Variants in C19orf38 observed in about 807,000 individuals in gnomAD.
C19orf38 encodes protein HIDE1.
C19orf38 carries 14 observed loss-of-function variants against 26.6 expected under a neutral mutation model. The observed-to-expected ratio is 0.53, with a 90% CI of 0.35 to 0.82. C19orf38 has a LOEUF of 0.82. C19orf38 is among the 40% of genes least tolerant of loss of function. C19orf38 has a pLI of 0.01. For missense variants in C19orf38, 261 were observed against 299.5 expected, an observed-to-expected ratio of 0.87 and a Z score of 0.95; for synonymous variants, 132 against 128.5, an observed-to-expected ratio of 1.03 and a Z score of -0.18.
chr19:10,853,897 A>AT (rs1568335216), intron 2 of C19orf38, among the ~76,000 whole-genome samples: 1 of 145,194 alleles, frequency 6.9e-6, no homozygotes, highest in Non-Finnish European at 1.5e-5. Context: ...CGTCCGGCTA[A>AT]TGTTTTTTTT....
intron 5 of C19orf38, 123 bp downstream of exon 5, chr19:10,860,081 C>A: frequency 2.1e-6 from 2 of 932,430 alleles, no homozygotes; most frequent in Middle Eastern, 2.1e-4. Flanking sequence ...GGTCAAAACA[C>A]ACCCTCGCCA....
At chr19:10,866,128 C>T (rs186845808) in intron 6 of C19orf38, among the ~76,000 whole-genome samples, 5 of 151,692 alleles carry the variant, frequency 3.3e-5, no homozygotes, top group South Asian at 2.1e-4. Flanking sequence ...AACCTCCCCC[C>T]CTGGGTTCAA....
chr19:10,838,472 T>C (rs1293907432), intron 1 of C19orf38, among the ~76,000 whole-genome samples: 1 of 152,148 alleles, frequency 6.6e-6, no homozygotes, highest in East Asian at 1.9e-4. Context: ...TACATTCCAG[T>C]GTTGTGCAGT....
intron 6 of C19orf38, among the ~76,000 whole-genome samples, chr19:10,868,758 G>A (rs934613542): frequency 6.6e-6 from 1 of 152,104 alleles, no homozygotes; most frequent in African/African-American, 2.4e-5. Flanking sequence ...CACCCACCTC[G>A]GTCTCCCAAA....
rs1460454371 is a variant in C19orf38, at chr19:10,850,175, G to C, written c.32-84G>C. Reference sequence around the variant, plus strand: ...CACAGAAAACACAAGGCTGAGGGAGGGTGGTCTACTTGCCCGAGGCCACAT... The same window carrying C: ...CACAGAAAACACAAGGCTGAGGGAGCGTGGTCTACTTGCCCGAGGCCACAT... On this transcript the variant is annotated intron_variant, in intron 1 of 6. Coordinates refer to ENST00000397820, the MANE Select transcript of C19orf38 (RefSeq NM_001136482.3). The C allele has an allele frequency of 3.9e-6, 5 of 1,295,316 alleles. No homozygotes were observed. In the East Asian group the frequency reaches 1.3e-4, roughly 34 times the overall value. The allele number at this position is 1,295,316 out of a possible 1,614,324, so 80.2% of individuals were successfully genotyped here.
At chr19:10,836,921 G>T (rs946436843) in intron 1 of C19orf38, among the ~76,000 whole-genome samples, 1 of 152,178 alleles carries the variant, frequency 6.6e-6, no homozygotes, top group Non-Finnish European at 1.5e-5. Context: ...AGACTCAAGG[G>T]CCAGCAGGTA....
Position 10,850,445 on chromosome 19 carries a change from A to G in C19orf38, c.218A>G (p.Asn73Ser). 1 of 1,551,398 alleles carries G rather than the reference A, an allele frequency of 6.4e-7. No individual in the cohort carries two copies. The highest frequency in any genetic ancestry group is 8.7e-7 in the Non-Finnish European group (1 of 1,146,892). Residue 73 changes from asparagine to serine, a missense_variant, in exon 2 of 7, where the codon AAC becomes AGC. Asn to Ser is a conservative substitution (Grantham distance 46). Transcript: ENST00000397820. Reference protein sequence around the residue: ...APTDQRGVTFNLSGGSSKAPG... With the variant: ...APTDQRGVTFSLSGGSSKAPG... ...ACGGACCAGCGCGGGGTGACATTTA[A>G]CCTGAGCGGCGGCAGCAGCAAGGCT... is the stretch of plus-strand genomic sequence containing the variant.
intron 1 of C19orf38, 72 bp downstream of exon 1, chr19:10,848,611 G>A: frequency 1.4e-6 from 2 of 1,462,076 alleles, no homozygotes; most frequent in Non-Finnish European, 1.9e-6. Context: ...GCCGCTCCAG[G>A]GGCAGAAACC....
chr19:10,846,061 A>G (rs970156593), upstream of C19orf38, among the ~76,000 whole-genome samples: 1 of 150,264 alleles, frequency 6.7e-6, no homozygotes, highest in Non-Finnish European at 1.5e-5. Context: ...GGACACCTGT[A>G]GTCCCAGCTA....
intron 6 of C19orf38, among the ~76,000 whole-genome samples, chr19:10,866,554 G>A (rs1473757591): frequency 6.6e-6 from 1 of 151,402 alleles, no homozygotes; most frequent in East Asian, 1.9e-4. Context: ...GGAGTGCAGT[G>A]GTACGATCTT....
chr19:10,858,295 C>T (rs762137592), intron 3 of C19orf38, 21 bp from the exon 4 acceptor site: 1 of 1,479,496 alleles, frequency 6.8e-7, no homozygotes, highest in South Asian at 1.2e-5. Context: ...CTAACACATG[C>T]TCATTTCTTT....
chr19:10,861,471 A>G (rs997706430), intron 5 of C19orf38, among the ~76,000 whole-genome samples: 1 of 152,236 alleles, frequency 6.6e-6, no homozygotes, highest in Non-Finnish European at 1.5e-5. Flanking sequence ...TTTCGTAACC[A>G]AGACAGATGT....
rs944652364 is a variant in C19orf38, at chr19:10,869,436, G to A, written c.*69G>A. ...CCTGAGGTCCCTCCAGCTACTTCTG[G>A]GGGGGCTCTGTCAGCCACTTTCTCA... On this transcript the variant is annotated 3_prime_UTR_variant, in exon 7 of 7. Coordinates refer to ENST00000397820, the MANE Select transcript of C19orf38 (RefSeq NM_001136482.3). 6.8e-6 allele frequency: 10 copies of A among 1,467,118 alleles called. No individual in the cohort carries two copies. The highest frequency in any genetic ancestry group is 2.7e-5 in the South Asian group (2 of 73,332). 90.9% of individuals were successfully genotyped at this position (1,467,118 alleles called of 1,614,324 possible).
upstream of C19orf38, among the ~76,000 whole-genome samples, chr19:10,844,754 AG>A (rs1406196772): frequency 6.6e-6 from 1 of 150,940 alleles, no homozygotes; most frequent in Non-Finnish European, 1.5e-5. Context: ...AGACTGAGGC[AG>A]GAGAATGGCG....
At chr19:10,858,936 GTTT>G (rs33931525) in intron 4 of C19orf38, among the ~76,000 whole-genome samples, 47 of 135,804 alleles carry the variant, frequency 3.5e-4, no homozygotes, top group Admixed American at 7.4e-4. Flanking sequence ...ATATATATAT[GTTT>G]TTTTTTTTTT....
intron 2 of C19orf38, 75 bp downstream of exon 2, chr19:10,850,642 T>C: frequency 1.4e-6 from 2 of 1,454,258 alleles, no homozygotes; most frequent in Non-Finnish European, 9.3e-7. Context: ...TACTGTTGAC[T>C]CAGAGGCCTT....
Position 10,863,078 on chromosome 19 carries a change from C to G in C19orf38, c.506-92C>G, listed in dbSNP as rs1008804929. On this transcript the variant is annotated intron_variant, in intron 5 of 6. Coordinates refer to ENST00000397820, the MANE Select transcript of C19orf38 (RefSeq NM_001136482.3). ...CTGGGAGATGGACCCCAATTGCTTCCCTGTGGGCTGGGGGGCAGTGCGGGG... is the reference window on the plus strand; with the variant it reads ...CTGGGAGATGGACCCCAATTGCTTCGCTGTGGGCTGGGGGGCAGTGCGGGG... 3 of 1,356,472 alleles carry G rather than the reference C, an allele frequency of 2.2e-6. No individual in the cohort carries two copies. The Admixed American group carries it at 6.0e-5, about 27-fold the overall frequency. The allele number at this position is 1,356,472 out of a possible 1,614,324, so 84.0% of individuals were successfully genotyped here.
chr19:10,869,379 G>A lies in C19orf38; in HGVS notation c.*12G>A. On this transcript the variant is annotated 3_prime_UTR_variant, in exon 7 of 7. Transcript: ENST00000397820. ...GGGCCTGCCAGTGAGGCTGAGGACT[G>A]GGGGACCCCTCTGTCTCCAGGCATT... The A allele has an allele frequency of 1.9e-6, 3 of 1,543,444 alleles. No individual in the cohort carries two copies. In the South Asian group the frequency reaches 3.6e-5, roughly 18 times the overall value.
intron 4 of C19orf38, among the ~76,000 whole-genome samples, chr19:10,859,376 ATATATATATTTTT>A (rs1157815936): frequency 1.0e-3 from 44 of 42,274 alleles, no homozygotes; most frequent in African/African-American, 3.7e-3. Flanking sequence ...ATATATATAT[ATATATATATTTTT>A]TTTTTTTTTT....
Sources: allele counts gnomAD v4.1 joint callset (sites outside exome capture counted in the v4.1 genomes callset), GRCh38; gene constraint gnomAD v4.1.1; transcripts MANE v1.5; gene names NCBI Gene and HGNC (gene_info 2026-07-23, HGNC 2026-07-21).